The following SPATA1 variants were observed in gnomAD, a reference collection of about 807,000 sequenced individuals.
The protein encoded by SPATA1 is spermatogenesis associated 1.
In SPATA1, 57 loss-of-function variants were observed where a neutral mutation model predicts 59.6. The ratio of observed to expected loss-of-function variants is 0.96; its 90% CI spans 0.77 to 1.19. SPATA1 has a LOEUF of 1.19. Among genes scored for constraint, SPATA1 ranks in the 50% most tolerant of loss-of-function variants. SPATA1 has a pLI of 0.00. For synonymous variants in SPATA1, 147 were observed against 163.9 expected (o/e 0.90, Z 0.79); for missense variants, 448 against 480.7 (o/e 0.93, Z 0.64).
At chr1:84,563,368 A>G (rs1262038532) in intron 4 of SPATA1, 1 of 1,589,166 alleles carries the variant, frequency 6.3e-7, no homozygotes, top group Admixed American at 1.8e-5. Flanking sequence ...CTGCAGCGTC[A>G]CTACAAGGAG....
intron 8 of SPATA1, among the ~76,000 whole-genome samples, chr1:84,534,236 T>C (rs966886727): frequency 6.6e-6 from 1 of 152,108 alleles, no homozygotes; most frequent in African/African-American, 2.4e-5. Flanking sequence ...TAATGAACAC[T>C]ATTCACATTA....
chr1:84,506,594 G>C (rs6676502), intron 1 of SPATA1, 176 bp downstream of exon 1: 29,114 of 152,968 alleles, frequency 0.19, 4,275 homozygotes, highest in African/African-American at 0.41. Flanking sequence ...GAGATACTGG[G>C]TGAGGCGTAG....
chr1:84,559,451 T>A (rs936086397), downstream of SPATA1, among the ~76,000 whole-genome samples: 1 of 151,988 alleles, frequency 6.6e-6, no homozygotes, highest in Non-Finnish European at 1.5e-5. Flanking sequence ...TGAAACCACA[T>A]CTCTACTAAA....
At chr1:84,564,015 A>C in intron 4 of SPATA1, 1 of 296,454 alleles carries the variant, frequency 3.4e-6, no homozygotes, top group Non-Finnish European at 5.0e-6. Flanking sequence ...TGCTTTCTAA[A>C]CCATTTCTCT....
At chr1:84,529,942 C>T (rs867796369) in intron 6 of SPATA1, among the ~76,000 whole-genome samples, 1 of 151,864 alleles carries the variant, frequency 6.6e-6, no homozygotes, top group Non-Finnish European at 1.5e-5. Flanking sequence ...CTGCAACTTC[C>T]GCCTCCTGGG....
At chr1:84,563,783 C>T in intron 4 of SPATA1, 2 of 1,608,862 alleles carry the variant, frequency 1.2e-6, no homozygotes, top group Non-Finnish European at 8.5e-7. Context: ...AAGGAACACC[C>T]ATTACAAGTT....
chr1:84,508,276 C>A (rs1682368149), intron 1 of SPATA1, among the ~76,000 whole-genome samples: 1 of 149,162 alleles, frequency 6.7e-6, no homozygotes, highest in Non-Finnish European at 1.5e-5. Context: ...GAGTGAGACT[C>A]CGTCTCAAAA....
At chr1:84,545,216 C>A (rs888089968) in intron 9 of SPATA1, among the ~76,000 whole-genome samples, 1 of 147,570 alleles carries the variant, frequency 6.8e-6, no homozygotes, top group Non-Finnish European at 1.5e-5. Context: ...GACTCCATCT[C>A]AAAAAAATAT....
chr1:84,510,298 C>G (rs984870819), intron 1 of SPATA1, among the ~76,000 whole-genome samples: 2 of 152,044 alleles, frequency 1.3e-5, no homozygotes, highest in African/African-American at 4.8e-5. Flanking sequence ...ATAAGGAGCT[C>G]AACTATATAG....
intron 8 of SPATA1, 34 bp from the exon 9 acceptor site, chr1:84,544,168 A>G: frequency 7.5e-7 from 1 of 1,341,456 alleles, no homozygotes; most frequent in Non-Finnish European, 1.1e-6. Flanking sequence ...GTGACAGTGT[A>G]GCCGATCTTA....
chr1:84,557,699 T>C (rs1684486828), downstream of SPATA1, among the ~76,000 whole-genome samples: 2 of 150,016 alleles, frequency 1.3e-5, no homozygotes, highest in Admixed American at 1.3e-4. Context: ...ATTAAAAAAA[T>C]ACAAAAAAAT....
At chr1:84,534,922 AC>A (rs974036060) in intron 8 of SPATA1, among the ~76,000 whole-genome samples, 3 of 152,164 alleles carry the variant, frequency 2.0e-5, no homozygotes, top group African/African-American at 7.2e-5. Context: ...ATTCTTCTAG[AC>A]AACTCTGTCA....
intron 3 of SPATA1, among the ~76,000 whole-genome samples, chr1:84,520,940 T>C (rs1299174621): frequency 1.3e-5 from 2 of 152,098 alleles, no homozygotes; most frequent in African/African-American, 4.8e-5. Context: ...TGTATTATTA[T>C]GGTTATACAC....
chr1:84,526,151 G>C, intron 6 of SPATA1, 78 bp downstream of exon 6: 2 of 1,199,844 alleles, frequency 1.7e-6, no homozygotes, highest in Non-Finnish European at 2.4e-6. Flanking sequence ...AGCAAACCCT[G>C]AGCAAACCTA....
intron 4 of SPATA1, chr1:84,563,306 G>A (rs749193629): frequency 4.4e-6 from 7 of 1,592,784 alleles, no homozygotes; most frequent in East Asian, 2.3e-5. Flanking sequence ...TAGGTTTCCA[G>A]AAATAGAACT....
rs115406936 is a variant in SPATA1 at position 84,521,187 on chromosome 1, G to A, written c.143+496G>A. On this transcript the variant is annotated intron_variant, in intron 3 of 12. Transcript: ENST00000490879. ...AGGAAGGAAGGAAGGAAAGAAGAAC[G>A]GAAGGAAGGGAGGGAGGGAGGGAAA... Among the ~76,000 whole-genome samples, 1,159 of 150,154 alleles carry A rather than the reference G, an allele frequency of 7.7e-3. 14 individuals are homozygous for A. Among genetic ancestry groups the A allele is most frequent in the African/African-American group, 0.026 (1,075 of 41,034 alleles).
intron 9 of SPATA1, 132 bp from the exon 10 acceptor site, chr1:84,545,502 C>A: frequency 9.8e-7 from 1 of 1,023,294 alleles, no homozygotes; most frequent in Non-Finnish European, 1.4e-6. Flanking sequence ...TATACTGTAG[C>A]AAGAAAAACA....
chr1:84,544,617 G>A (rs1684023493), intron 9 of SPATA1, among the ~76,000 whole-genome samples: 1 of 151,962 alleles, frequency 6.6e-6, no homozygotes, highest in South Asian at 2.1e-4. Context: ...CTAGAGTGCA[G>A]TGGCGTGATC....
chr1:84,550,021 GTCT>G (rs1432213055), intron 11 of SPATA1: 1 of 151,768 alleles, frequency 6.6e-6, no homozygotes, highest in African/African-American at 2.4e-5. Context: ...AAACCAAAAA[GTCT>G]TCTTATTTTA....
Sources: allele counts gnomAD v4.1 joint callset (sites outside exome capture counted in the v4.1 genomes callset), GRCh38; gene constraint gnomAD v4.1.1; transcripts MANE v1.5; gene names NCBI Gene and HGNC (gene_info 2026-07-23, HGNC 2026-07-21).